Variants in THSD4 observed in about 807,000 individuals in gnomAD.
THSD4 encodes the protein thrombospondin type-1 domain-containing protein 4.
THSD4 carries 69 observed loss-of-function variants against 119.0 expected under a neutral mutation model. That is an observed-to-expected ratio of 0.58 (90% CI 0.48 to 0.71). The LOEUF (loss-of-function observed/expected upper bound fraction) is 0.71, where lower values mean the gene tolerates loss of function less well. THSD4 is among the 30% of genes least tolerant of loss of function. THSD4 has a pLI of 0.00. For missense variants in THSD4, 1,393 were observed against 1,391.1 expected, an observed-to-expected ratio of 1.00 and a Z score of -0.02; for synonymous variants, 524 against 540.4, an observed-to-expected ratio of 0.97 and a Z score of 0.42.
chr15:71,531,964 C>T (rs577754760), intron 7 of THSD4, among the ~76,000 whole-genome samples: 50 of 152,164 alleles, frequency 3.3e-4, no homozygotes, highest in Non-Finnish European at 6.3e-4. Context: ...CCCATAACCC[C>T]AGTCTTAAGC....
intron 6 of THSD4, among the ~76,000 whole-genome samples, chr15:71,325,024 A>G (rs1427185415): frequency 6.6e-6 from 1 of 152,080 alleles, no homozygotes; most frequent in Non-Finnish European, 1.5e-5. Flanking sequence ...TAGGTATCTC[A>G]TTGTGGTTTT....
intron 8 of THSD4, among the ~76,000 whole-genome samples, chr15:71,694,222 T>G (rs1253713565): frequency 6.6e-6 from 1 of 152,220 alleles, no homozygotes; most frequent in Admixed American, 6.5e-5. Context: ...TTATCCTTCT[T>G]GTAATGTCAT....
intron 6 of THSD4, among the ~76,000 whole-genome samples, chr15:71,358,550 C>T (rs970682209): frequency 6.6e-6 from 1 of 152,178 alleles, no homozygotes; most frequent in African/African-American, 2.4e-5. Context: ...AATTCATATT[C>T]TGGCTAAGCC....
chr15:71,273,127 A>T (rs1264573655), intron 6 of THSD4, among the ~76,000 whole-genome samples: 2 of 152,228 alleles, frequency 1.3e-5, no homozygotes, highest in Non-Finnish European at 2.9e-5. Context: ...ACATGCCAAG[A>T]TATGGAAACA....
intron 7 of THSD4, among the ~76,000 whole-genome samples, chr15:71,578,038 C>G (rs2049486956): frequency 6.6e-6 from 1 of 151,790 alleles, no homozygotes; most frequent in East Asian, 1.9e-4. Flanking sequence ...GCAGTTAAAG[C>G]CACTGCTCCC....
At chr15:71,705,526 A>G (rs1189929708) in intron 8 of THSD4, among the ~76,000 whole-genome samples, 2 of 152,128 alleles carry the variant, frequency 1.3e-5, no homozygotes, top group South Asian at 2.1e-4. Flanking sequence ...ATCTGGTCAG[A>G]TGTTGCTGTC....
intron 6 of THSD4, among the ~76,000 whole-genome samples, chr15:71,303,228 A>G (rs1157714016): frequency 6.6e-6 from 1 of 152,200 alleles, no homozygotes; most frequent in African/African-American, 2.4e-5. Flanking sequence ...AGGCATCACT[A>G]GCTCTGGGCG....
At chr15:71,448,659 G>A (rs1237231699) in intron 7 of THSD4, among the ~76,000 whole-genome samples, 1 of 152,184 alleles carries the variant, frequency 6.6e-6, no homozygotes, top group Non-Finnish European at 1.5e-5. Context: ...GGAGAATGGG[G>A]TATCCATCCC....
chr15:71,289,451 G>A (rs1037376564), intron 6 of THSD4, among the ~76,000 whole-genome samples: 1 of 152,054 alleles, frequency 6.6e-6, no homozygotes, highest in African/African-American at 2.4e-5. Context: ...CTTCCCTGCC[G>A]CACTCTCCAT....
chr15:71,417,698 C>T (rs758401215), intron 7 of THSD4, among the ~76,000 whole-genome samples: 2 of 108,218 alleles, frequency 1.8e-5, no homozygotes, highest in Non-Finnish European at 4.1e-5. Flanking sequence ...TCCTTTTGCT[C>T]AGGATTGCTT....
chr15:71,748,363 A>T, intron 13 of THSD4, 58 bp from the exon 14 acceptor site: 1 of 1,598,514 alleles, frequency 6.3e-7, no homozygotes, highest in Non-Finnish European at 8.5e-7. Flanking sequence ...CCATACTGGC[A>T]ATTCTCTCCC....
chr15:71,453,491 G>T (rs1228485324), intron 7 of THSD4, among the ~76,000 whole-genome samples: 2 of 152,172 alleles, frequency 1.3e-5, no homozygotes, highest in African/African-American at 2.4e-5. Flanking sequence ...TAATACATTG[G>T]ATAATAATTG....
At chr15:71,534,481 G>C (rs1171640218) in intron 7 of THSD4, among the ~76,000 whole-genome samples, 5 of 152,132 alleles carry the variant, frequency 3.3e-5, no homozygotes, top group Non-Finnish European at 5.9e-5. Flanking sequence ...TTTGTGAACT[G>C]CCTATTCATG....
intron 7 of THSD4, among the ~76,000 whole-genome samples, chr15:71,648,198 T>G (rs1340328590): frequency 3.3e-5 from 5 of 152,214 alleles, no homozygotes; most frequent in African/African-American, 7.2e-5. Context: ...CCTCCTGGTG[T>G]TGTTGAGAGA....
chr15:71,613,162 A>G (rs1029979241), intron 7 of THSD4, among the ~76,000 whole-genome samples: 4 of 152,218 alleles, frequency 2.6e-5, no homozygotes, highest in Non-Finnish European at 4.4e-5. Flanking sequence ...AGCATGTTTC[A>G]GAACCTCAAA....
intron 3 of THSD4, among the ~76,000 whole-genome samples, chr15:71,182,264 C>A (rs2043538462): frequency 1.3e-5 from 2 of 151,706 alleles, no homozygotes; most frequent in Admixed American, 1.3e-4. Context: ...TGTATAAATT[C>A]CTTCCTTTGG....
intron 6 of THSD4, among the ~76,000 whole-genome samples, chr15:71,264,928 A>C (rs557654374): frequency 6.6e-6 from 1 of 152,298 alleles, no homozygotes; most frequent in East Asian, 1.9e-4. Flanking sequence ...AAAATTCATA[A>C]GTTAGAGCCC....
At chr15:71,378,298 A>G (rs1229353743) in intron 6 of THSD4, among the ~76,000 whole-genome samples, 1 of 152,182 alleles carries the variant, frequency 6.6e-6, no homozygotes, top group African/African-American at 2.4e-5. Context: ...GGATGCCTTC[A>G]CTATTCTTGT....
chr15:71,268,369 C>T (rs1437505390), intron 6 of THSD4, among the ~76,000 whole-genome samples: 7 of 152,048 alleles, frequency 4.6e-5, no homozygotes, highest in Admixed American at 1.3e-4. Context: ...GGGTAAATAA[C>T]GAAATTAAGG....
Sources: allele counts gnomAD v4.1 joint callset (sites outside exome capture counted in the v4.1 genomes callset), GRCh38; gene constraint gnomAD v4.1.1; transcripts MANE v1.5; gene names NCBI Gene and HGNC (gene_info 2026-07-23, HGNC 2026-07-21).